CDC42BPA: variants seen among roughly 807,000 people sequenced by gnomAD.
The protein encoded by CDC42BPA is serine/threonine-protein kinase MRCK alpha.
A neutral mutation model predicts 223.5 loss-of-function variants in CDC42BPA; 80 were observed. The observed-to-expected ratio is 0.36, with a 90% CI of 0.30 to 0.43. CDC42BPA has a LOEUF of 0.43. CDC42BPA is among the 20% of genes least tolerant of loss of function. The pLI is 1.00. For missense variants in CDC42BPA, 1,743 were observed against 2,099.9 expected, an observed-to-expected ratio of 0.83 and a Z score of 3.32; for synonymous variants, 694 against 718.6, an observed-to-expected ratio of 0.97 and a Z score of 0.55.
At chr1:227,215,102 C>A (rs1381504644) in intron 2 of CDC42BPA, among the ~76,000 whole-genome samples, 3 of 152,252 alleles carry the variant, frequency 2.0e-5, no homozygotes, top group Non-Finnish European at 4.4e-5. Context: ...CTGCTCCAAA[C>A]CCCAATGAGA....
chr1:227,134,189 G>T (rs1658024018), intron 10 of CDC42BPA, among the ~76,000 whole-genome samples: 1 of 151,898 alleles, frequency 6.6e-6, no homozygotes, highest in African/African-American at 2.4e-5. Flanking sequence ...ACCCTGGTTA[G>T]ATTCTTTGGT....
intron 3 of CDC42BPA, among the ~76,000 whole-genome samples, chr1:227,207,544 T>C (rs1234798696): frequency 8.3e-6 from 1 of 121,024 alleles, no homozygotes; most frequent in Non-Finnish European, 1.6e-5. Flanking sequence ...GTCCCCAGAA[T>C]GTGATATTCC....
At chr1:227,031,201 G>C in intron 28 of CDC42BPA, 97 bp downstream of exon 28, 1 of 869,630 alleles carries the variant, frequency 1.1e-6, no homozygotes, top group Non-Finnish European at 1.9e-6. Context: ...TGCACAGTAT[G>C]TTGGACACTG....
At chr1:227,191,695 A>AT (rs1330790788) in intron 5 of CDC42BPA, among the ~76,000 whole-genome samples, 2 of 16,856 alleles carry the variant, frequency 1.2e-4, no homozygotes, top group African/African-American at 2.9e-4. Context: ...ATATTCAACG[A>AT]AATAGTATTT....
chr1:227,194,389 G>A (rs1462210652), intron 4 of CDC42BPA, among the ~76,000 whole-genome samples: 5 of 152,228 alleles, frequency 3.3e-5, no homozygotes, highest in African/African-American at 9.6e-5. Context: ...GGATCAGTAA[G>A]AACTTTATTA....
intron 2 of CDC42BPA, among the ~76,000 whole-genome samples, chr1:227,213,645 C>G (rs1219376930): frequency 6.6e-6 from 1 of 151,874 alleles, no homozygotes. Context: ...CAAGGAAGGC[C>G]AGCTGCCAAA....
chr1:227,301,590 C>T (rs1199355471), intron 1 of CDC42BPA, among the ~76,000 whole-genome samples: 1 of 152,134 alleles, frequency 6.6e-6, no homozygotes, highest in African/African-American at 2.4e-5. Context: ...AATCTCTTGA[C>T]CTCGTGATCT....
chr1:227,064,798 T>C (rs765370318), intron 21 of CDC42BPA, among the ~76,000 whole-genome samples: 1 of 152,168 alleles, frequency 6.6e-6, no homozygotes, highest in South Asian at 2.1e-4. Context: ...CAATTTCTTT[T>C]AAAATTAACT....
At chr1:227,300,083 TTC>T (rs60022667) in intron 1 of CDC42BPA, among the ~76,000 whole-genome samples, 22,751 of 152,072 alleles carry the variant, frequency 0.15, 2,052 homozygotes, top group African/African-American at 0.24. Context: ...TCAAGGGATT[TTC>T]TCTAGGAGAA....
At chr1:227,215,880 T>C (rs1290206257) in intron 2 of CDC42BPA, among the ~76,000 whole-genome samples, 1 of 152,188 alleles carries the variant, frequency 6.6e-6, no homozygotes, top group East Asian at 1.9e-4. Flanking sequence ...AATATATCTA[T>C]ATACAAATAA....
chr1:227,114,022 A>AAAAAAAAAAAAAAAAAAAAAAAG (rs1162177105), intron 12 of CDC42BPA, among the ~76,000 whole-genome samples: 1 of 151,666 alleles, frequency 6.6e-6, no homozygotes, highest in African/African-American at 2.4e-5. Context: ...CAACTCAAAA[A>AAAAAAAAAAAAAAAAAAAAAAAG]AAAAGAAAAG....
At position 227,139,727 on chromosome 1, in the gene CDC42BPA, C is replaced by G; in HGVS notation, c.1239G>C (p.Arg413=). The G allele has an allele frequency of 6.5e-7, 1 of 1,548,856 alleles. No individual in the cohort carries two copies. The highest frequency in any genetic ancestry group is 8.7e-7 in the Non-Finnish European group (1 of 1,153,616). ...GACCAGCCGTAACTCTTAAACAGCTCCGATCAGAAAGTACACTGAAGAAAA... is the reference window on the plus strand; with the variant it reads ...GACCAGCCGTAACTCTTAAACAGCTGCGATCAGAAAGTACACTGAAGAAAA... ...TYTSSCVLSD[R]SCLRVTAGPT... is the part of the protein sequence containing the mutation. Residue 413 remains arginine (R), a synonymous_variant, in exon 10 of 37, where the codon CGG becomes CGC. Transcript: ENST00000366766.
rs1456673399 is a variant in CDC42BPA at position 227,115,749 on chromosome 1, C to T, written c.1648-2836G>A. ...GAAGTCAACAAAAAAAGATAAAACT[C>T]CATATATTGAAAATTTTAAAAGATA... On this transcript the variant is annotated intron_variant, in intron 12 of 36. Transcript: ENST00000366766. Among the ~76,000 whole-genome samples, 3 of 151,996 alleles carry T rather than the reference C, an allele frequency of 2.0e-5. No homozygotes were observed. The South Asian group carries it at 6.2e-4, about 31-fold the overall frequency.
chr1:226,997,725 G>A (rs909027927), intron 35 of CDC42BPA, among the ~76,000 whole-genome samples: 3 of 152,170 alleles, frequency 2.0e-5, no homozygotes, highest in Admixed American at 1.3e-4. Context: ...AGTCATTCAA[G>A]AGCAGGTTGT....
intron 1 of CDC42BPA, among the ~76,000 whole-genome samples, chr1:227,257,985 C>T (rs887273392): frequency 1.3e-5 from 2 of 150,380 alleles, no homozygotes; most frequent in African/African-American, 5.0e-5. Context: ...GCGTGGGCAA[C>T]GTGGCAAAAC....
chr1:227,092,936 C>T (rs896867235), intron 15 of CDC42BPA, among the ~76,000 whole-genome samples: 1 of 152,140 alleles, frequency 6.6e-6, no homozygotes, highest in Non-Finnish European at 1.5e-5. Flanking sequence ...GTCAAGGACA[C>T]TCTACCATAA....
chr1:227,253,946 A>G, intron 2 of CDC42BPA, 118 bp downstream of exon 2: 1 of 716,084 alleles, frequency 1.4e-6, no homozygotes. Context: ...ATCAATCACA[A>G]CTTAACAAAT....
chr1:227,264,901 C>T (rs1382689751), intron 1 of CDC42BPA: 10 of 1,454,568 alleles, frequency 6.9e-6, no homozygotes, highest in Non-Finnish European at 8.7e-6. Context: ...CTTCTGAAAC[C>T]TCAGATACCA....
At chr1:227,240,620 G>C (rs529680548) in intron 2 of CDC42BPA, among the ~76,000 whole-genome samples, 1 of 151,848 alleles carries the variant, frequency 6.6e-6, no homozygotes, top group South Asian at 2.1e-4. Context: ...TTTTTACTAA[G>C]GTGCTAAAAT....
Sources: gnomAD v4.1 joint callset for allele counts (sites outside exome capture counted in the v4.1 genomes callset) on GRCh38, gnomAD v4.1.1 for gene constraint, MANE v1.5 for transcripts, NCBI Gene and HGNC (gene_info 2026-07-23, HGNC 2026-07-21) for gene names.